The following MARCHF1 variants were observed in gnomAD, a reference collection of about 807,000 sequenced individuals.
MARCHF1 encodes E3 ubiquitin-protein ligase MARCHF1.
MARCHF1 carries 40 observed loss-of-function variants against 54.2 expected under a neutral mutation model. That is an observed-to-expected ratio of 0.74 (90% confidence interval 0.57 to 0.96). The LOEUF (loss-of-function observed/expected upper bound fraction) is 0.96. Among genes scored for constraint, MARCHF1 ranks in the 40% least tolerant of loss-of-function variants. The probability of loss-of-function intolerance (pLI) is 0.00; values close to 1 mark genes in which losing one functional copy is unlikely to be tolerated. For missense variants in MARCHF1, 586 were observed against 656.5 expected (o/e 0.89, Z 1.17); for synonymous variants, 236 against 236.3 (o/e 1.00, Z 0.01).
At chr4:164,336,172 G>C (rs1320189422) in intron 1 of MARCHF1, among the ~76,000 whole-genome samples, 1 of 152,170 alleles carries the variant, frequency 6.6e-6, no homozygotes, top group Non-Finnish European at 1.5e-5. Context: ...CTTCTTGATA[G>C]ATGAGAGATG....
chr4:164,075,422 T>TCAAGACCTG (rs1364453634), intron 2 of MARCHF1, among the ~76,000 whole-genome samples: 1 of 152,178 alleles, frequency 6.6e-6, no homozygotes, highest in African/African-American at 2.4e-5. Flanking sequence ...ATGTCCTCAA[T>TCAAGACCTG]AATCACCAAG....
intron 8 of MARCHF1, among the ~76,000 whole-genome samples, chr4:163,578,309 C>T (rs1740104944): frequency 6.6e-6 from 1 of 151,978 alleles, no homozygotes; most frequent in African/African-American, 2.4e-5. Context: ...TCTTACTAAG[C>T]AAGTGAGGTT....
At chr4:164,291,042 C>T (rs1346937169) in intron 1 of MARCHF1, among the ~76,000 whole-genome samples, 1 of 151,696 alleles carries the variant, frequency 6.6e-6, no homozygotes, top group East Asian at 1.9e-4. Flanking sequence ...TGTTTATTAT[C>T]TTTAAGTTGA....
chr4:164,090,267 T>A (rs1303277895), intron 2 of MARCHF1, among the ~76,000 whole-genome samples: 1 of 152,074 alleles, frequency 6.6e-6, no homozygotes, highest in Non-Finnish European at 1.5e-5. Context: ...TCTCAAGTGA[T>A]ATTGATATAA....
At chr4:163,981,638 C>G (rs536623792) in intron 3 of MARCHF1, among the ~76,000 whole-genome samples, 2 of 152,272 alleles carry the variant, frequency 1.3e-5, no homozygotes, top group South Asian at 4.1e-4. Context: ...GTGATCCTCC[C>G]CCTTCAGCAG....
intron 1 of MARCHF1, among the ~76,000 whole-genome samples, chr4:164,324,996 C>T (rs985138432): frequency 2.7e-5 from 4 of 150,890 alleles, no homozygotes; most frequent in African/African-American, 9.7e-5. Flanking sequence ...AAGAATAGCA[C>T]AATAAAGGAA....
chr4:163,812,478 C>A (rs1026881839), intron 4 of MARCHF1, among the ~76,000 whole-genome samples: 3 of 152,102 alleles, frequency 2.0e-5, no homozygotes, highest in African/African-American at 7.2e-5. Flanking sequence ...TTGAAACCAA[C>A]GAGGCACAGT....
rs372372214 is a variant in MARCHF1 at position 163,627,606 on chromosome 4, T to C, written c.163-14213A>G. Among the ~76,000 whole-genome samples the C allele has an allele frequency of 2.6e-5, 4 of 152,232 alleles. No individual in the cohort carries two copies. In the East Asian group the frequency reaches 5.8e-4, roughly 22 times the overall value. ...TTAAGTATCGTTCAATCTTATTTGA[T>C]ATGTAATCAGTGAAGGGTTCTGACT... is the stretch of plus-strand genomic sequence containing the variant. On this transcript the variant is annotated intron_variant, in intron 5 of 9. Transcript: ENST00000514618.
At chr4:163,842,132 A>G (rs997592319) in intron 4 of MARCHF1, among the ~76,000 whole-genome samples, 1 of 152,164 alleles carries the variant, frequency 6.6e-6, no homozygotes, top group African/African-American at 2.4e-5. Context: ...AAGAGAATCT[A>G]TTAAACAACC....
intron 3 of MARCHF1, among the ~76,000 whole-genome samples, chr4:163,900,202 A>G (rs994135037): frequency 4.6e-5 from 7 of 152,162 alleles, no homozygotes; most frequent in African/African-American, 1.4e-4. Context: ...CATTCAGAAT[A>G]CTGACTGATA....
intron 3 of MARCHF1, among the ~76,000 whole-genome samples, chr4:163,934,605 A>G (rs901576116): frequency 3.4e-5 from 5 of 145,628 alleles, no homozygotes; most frequent in African/African-American, 1.3e-4. Context: ...AAAAAAAAGA[A>G]GCAACTCCAC....
chr4:164,197,133 T>TTCC lies in MARCHF1; in HGVS notation c.-322-85474_-322-85472dup, dbSNP rs374180838. ...CTCCACTCACGTCCTCCTCTTCACC[T>TTCC]TCCTCCTCCTCCTCCTCGCCCTCCT... is the stretch of plus-strand genomic sequence containing the variant. On this transcript the variant is annotated intron_variant, in intron 1 of 9. Coordinates refer to ENST00000514618, the MANE Select transcript of MARCHF1 (RefSeq NM_001394959.1). 289 of 1,574,502 alleles carry TTCC rather than the reference T, an allele frequency of 1.8e-4. 1 individual carries two copies. In the East Asian group the frequency reaches 6.5e-3, roughly 36 times the overall value.
chr4:164,271,345 A>G (rs1231714973), intron 1 of MARCHF1, among the ~76,000 whole-genome samples: 1 of 152,166 alleles, frequency 6.6e-6, no homozygotes, highest in East Asian at 1.9e-4. Flanking sequence ...CTGAGTCTAG[A>G]GAGAGATGTG....
At chr4:163,533,118 CTG>C (rs938567514) in intron 9 of MARCHF1, among the ~76,000 whole-genome samples, 2 of 151,888 alleles carry the variant, frequency 1.3e-5, no homozygotes, top group African/African-American at 2.4e-5. Context: ...GTTTTTCAAT[CTG>C]TGAATGAATA....
intron 7 of MARCHF1, among the ~76,000 whole-genome samples, chr4:163,588,943 C>A (rs1180308952): frequency 2.6e-5 from 4 of 151,700 alleles, no homozygotes; most frequent in Non-Finnish European, 5.9e-5. Flanking sequence ...CAAAATAAAT[C>A]ACTCTAACCT....
At chr4:164,362,499 C>A (rs778216435) in intron 1 of MARCHF1, among the ~76,000 whole-genome samples, 10 of 152,062 alleles carry the variant, frequency 6.6e-5, no homozygotes, top group Middle Eastern at 3.2e-3. Flanking sequence ...GGGCCTTGTA[C>A]CCACATTTAT....
intron 4 of MARCHF1, among the ~76,000 whole-genome samples, chr4:163,735,507 C>A (rs1213996614): frequency 6.6e-6 from 1 of 152,122 alleles, no homozygotes; most frequent in Non-Finnish European, 1.5e-5. Context: ...AGAACAAAAA[C>A]TTATTTCTCA....
At chr4:163,611,483 G>A (rs2110925685) in intron 7 of MARCHF1, among the ~76,000 whole-genome samples, 1 of 152,168 alleles carries the variant, frequency 6.6e-6, no homozygotes, top group South Asian at 2.1e-4. Context: ...CTCTCATACA[G>A]AATCTAAACA....
At chr4:164,362,505 T>C (rs1337309155) in intron 1 of MARCHF1, among the ~76,000 whole-genome samples, 1 of 152,144 alleles carries the variant, frequency 6.6e-6, no homozygotes, top group Non-Finnish European at 1.5e-5. Context: ...TGTACCCACA[T>C]TTATTGACAC....
Sources: allele counts gnomAD v4.1 joint callset (sites outside exome capture counted in the v4.1 genomes callset), GRCh38; gene constraint gnomAD v4.1.1; transcripts MANE v1.5; gene names NCBI Gene and HGNC (gene_info 2026-07-23, HGNC 2026-07-21).